ZNF385D: variants seen among roughly 807,000 people sequenced by gnomAD.
The protein encoded by ZNF385D is zinc finger protein 385D, also known as zinc finger protein 659.
ZNF385D carries 15 observed loss-of-function variants against 35.8 expected under a neutral mutation model. The ratio of observed to expected loss-of-function variants is 0.42; its 90% CI spans 0.28 to 0.64. The LOEUF is 0.64. ZNF385D is among the 30% of genes least tolerant of loss of function. The pLI is 0.23. For synonymous variants in ZNF385D, 212 were observed against 186.8 expected (o/e 1.13, Z -1.10); for missense variants, 474 against 494.6 (o/e 0.96, Z 0.39).
intron 2 of ZNF385D, among the ~76,000 whole-genome samples, chr3:22,196,212 A>C (rs1358996618): frequency 6.6e-6 from 1 of 152,114 alleles, no homozygotes; most frequent in Non-Finnish European, 1.5e-5. Context: ...CTAATCGAAT[A>C]GGTGGAAAAC....
chr3:22,214,864 T>C, intron 2 of ZNF385D, among the ~76,000 whole-genome samples: 1 of 100,592 alleles, frequency 9.9e-6, no homozygotes, highest in South Asian at 2.5e-4. Context: ...TCCATTTGCC[T>C]TGTGATATTC....
intron 3 of ZNF385D, among the ~76,000 whole-genome samples, chr3:22,122,188 C>A (rs959786211): frequency 9.2e-5 from 14 of 152,118 alleles, no homozygotes; most frequent in Non-Finnish European, 1.6e-4. Context: ...ACTGCTTCCC[C>A]TTTACTAGTT....
In ZNF385D at chr3:22,104,993, T is replaced by G. The variant is rs192849132; in HGVS notation, c.325+63824A>C. ...ACATTGACCCAGTATTATTAGAGAATGAAAGGAGTTTAGAAGATTAAAACT... is the reference window on the plus strand; with the variant it reads ...ACATTGACCCAGTATTATTAGAGAAGGAAAGGAGTTTAGAAGATTAAAACT... On this transcript the variant is annotated intron_variant, in intron 3 of 5. Coordinates refer to the ZNF385D transcript ENST00000494108. Among the ~76,000 whole-genome samples the G allele has an allele frequency of 2.0e-5, 3 of 152,240 alleles. No individual in the cohort carries two copies. The East Asian group carries it at 5.8e-4, about 29-fold the overall frequency.
intron 3 of ZNF385D, among the ~76,000 whole-genome samples, chr3:21,879,253 G>T (rs1575825293): frequency 1.3e-5 from 2 of 151,942 alleles, no homozygotes; most frequent in Admixed American, 1.3e-4. Context: ...TGACTCCAAA[G>T]TGTTTGTTTT....
intron 3 of ZNF385D, among the ~76,000 whole-genome samples, chr3:22,142,735 T>A (rs1413249787): frequency 6.6e-6 from 1 of 152,154 alleles, no homozygotes; most frequent in Non-Finnish European, 1.5e-5. Flanking sequence ...GTTACTAACC[T>A]TGTGGAGTTT....
intron 3 of ZNF385D, chr3:22,168,814 T>C: frequency 1.0e-6 from 1 of 985,726 alleles, no homozygotes; most frequent in Non-Finnish European, 1.2e-6. Flanking sequence ...TAGAAAAGCT[T>C]ACCATTGTCA....
chr3:22,261,271 C>T (rs373703450), intron 2 of ZNF385D, among the ~76,000 whole-genome samples: 2 of 151,902 alleles, frequency 1.3e-5, no homozygotes, highest in Non-Finnish European at 2.9e-5. Context: ...ACCAGCTAGA[C>T]AGACTGTAAC....
At chr3:22,110,456 C>G (rs1702458024) in intron 3 of ZNF385D, among the ~76,000 whole-genome samples, 1 of 152,020 alleles carries the variant, frequency 6.6e-6, no homozygotes, top group Admixed American at 6.6e-5. Context: ...TACTATGCAG[C>G]CATAAAAAAT....
chr3:21,838,614 G>T (rs73144884), intron 3 of ZNF385D, among the ~76,000 whole-genome samples: 9,190 of 152,098 alleles, frequency 0.06, 499 homozygotes, highest in East Asian at 0.16. Context: ...AGAAGTTCTG[G>T]AAGGTCACGG....
intron 3 of ZNF385D, among the ~76,000 whole-genome samples, chr3:22,016,403 T>C (rs1002627043): frequency 1.3e-5 from 2 of 152,164 alleles, no homozygotes; most frequent in Non-Finnish European, 2.9e-5. Context: ...ATGTACTTAG[T>C]ATCCCACGAT....
At chr3:21,887,348 A>G (rs559914422) in intron 3 of ZNF385D, among the ~76,000 whole-genome samples, 9 of 152,206 alleles carry the variant, frequency 5.9e-5, no homozygotes, top group African/African-American at 2.2e-4. Flanking sequence ...ATGCACATTA[A>G]TAAAATAGTT....
chr3:21,933,449 G>C (rs566619388), intron 3 of ZNF385D, among the ~76,000 whole-genome samples: 1 of 152,138 alleles, frequency 6.6e-6, no homozygotes, highest in African/African-American at 2.4e-5. Context: ...AATTTAAGAA[G>C]ATACTAATAC....
At chr3:22,165,077 T>C (rs964373501) in intron 3 of ZNF385D, among the ~76,000 whole-genome samples, 2 of 152,176 alleles carry the variant, frequency 1.3e-5, no homozygotes, top group African/African-American at 4.8e-5. Context: ...TGTTGTGATG[T>C]TGGATACATG....
chr3:22,242,094 A>G, intron 2 of ZNF385D, among the ~76,000 whole-genome samples: 1 of 145,770 alleles, frequency 6.9e-6, no homozygotes, highest in African/African-American at 2.5e-5. Context: ...GGAAGGGGGG[A>G]GGGATAGCAC....
intron 4 of ZNF385D, among the ~76,000 whole-genome samples, chr3:21,476,935 CG>C (rs999337518): frequency 6.6e-6 from 1 of 152,070 alleles, no homozygotes; most frequent in African/African-American, 2.4e-5. Context: ...TGGAGGAGTC[CG>C]TGAGAATGTT....
At chr3:21,733,814 C>A (rs2069123073) in intron 1 of ZNF385D, among the ~76,000 whole-genome samples, 1 of 151,944 alleles carries the variant, frequency 6.6e-6, no homozygotes, top group South Asian at 2.1e-4. Context: ...AATGTGTATC[C>A]AGTTGTCCCC....
intron 2 of ZNF385D, among the ~76,000 whole-genome samples, chr3:22,320,753 ATAATT>A (rs1293519659): frequency 6.6e-6 from 1 of 151,802 alleles, no homozygotes; most frequent in East Asian, 1.9e-4. Flanking sequence ...ATTTTAATGT[ATAATT>A]TAAATACATT....
At chr3:21,511,274 T>A (rs921383985) in intron 3 of ZNF385D, among the ~76,000 whole-genome samples, 1 of 152,040 alleles carries the variant, frequency 6.6e-6, no homozygotes, top group Non-Finnish European at 1.5e-5. Flanking sequence ...CACTGACACA[T>A]CAACAACATT....
intron 4 of ZNF385D, among the ~76,000 whole-genome samples, chr3:21,508,839 G>T (rs1480980637): frequency 6.6e-6 from 1 of 152,044 alleles, no homozygotes; most frequent in Non-Finnish European, 1.5e-5. Context: ...TTAACACTTG[G>T]ATAAACTCTC....
Sources: allele counts gnomAD v4.1 joint callset (sites outside exome capture counted in the v4.1 genomes callset), GRCh38; gene constraint gnomAD v4.1.1; transcripts MANE v1.5; gene names NCBI Gene and HGNC (gene_info 2026-07-23, HGNC 2026-07-21).